The following JKAMP variants were observed in gnomAD, a reference collection of about 807,000 sequenced individuals.
JKAMP encodes the protein JNK1/MAPK8 associated membrane protein.
In JKAMP, 20 loss-of-function variants were observed where a neutral mutation model predicts 40.2. The observed-to-expected ratio is 0.50, with a 90% CI of 0.35 to 0.72. The LOEUF is 0.72. JKAMP is among the 30% of genes least tolerant of loss of function. The probability of loss-of-function intolerance (pLI) is 0.01; values close to 1 mark genes in which losing one functional copy is unlikely to be tolerated. For synonymous variants in JKAMP, 138 were observed against 131.6 expected, an observed-to-expected ratio of 1.05 and a Z score of -0.33; for missense variants, 276 against 373.0, an observed-to-expected ratio of 0.74 and a Z score of 2.14.
At chr14:59,498,351 A>C (rs1891603791) in intron 4 of JKAMP, among the ~76,000 whole-genome samples, 1 of 152,212 alleles carries the variant, frequency 6.6e-6, no homozygotes, top group Non-Finnish European at 1.5e-5. Context: ...CCAGTTTCTT[A>C]CATTTGAATA....
intron 4 of JKAMP, among the ~76,000 whole-genome samples, chr14:59,497,054 C>T (rs769158841): frequency 1.4e-5 from 2 of 146,178 alleles, no homozygotes; most frequent in Non-Finnish European, 3.0e-5. Flanking sequence ...TTACCAGAAA[C>T]CTTTGGAACA....
chr14:59,486,688 T>C (rs774269687), intron 1 of JKAMP, 25 bp from the exon 2 acceptor site: 3 of 1,454,334 alleles, frequency 2.1e-6, no homozygotes, highest in South Asian at 1.2e-5. Flanking sequence ...AAGATGTTAC[T>C]ATACTGGCAT....
At chr14:59,502,436 C>T (rs1371265863) in intron 6 of JKAMP, among the ~76,000 whole-genome samples, 1 of 152,134 alleles carries the variant, frequency 6.6e-6, no homozygotes, top group Non-Finnish European at 1.5e-5. Context: ...AAGTTGTAAA[C>T]TATTTTGGAG....
chr14:59,505,336 T>C lies in JKAMP; in HGVS notation c.*1264T>C. On this transcript the variant is annotated 3_prime_UTR_variant, in exon 7 of 7. Coordinates refer to ENST00000616435, the MANE Select transcript of JKAMP (RefSeq NM_016475.5). ...CTTCTCTGTAGGAATAAAAAATAAA[T>C]ATAAAAATTTTATTTGTATTGCACA... The C allele has an allele frequency of 1.5e-6, 2 of 1,351,588 alleles. No homozygotes were observed. Among genetic ancestry groups the C allele is most frequent in the Middle Eastern group, 5.0e-4 (2 of 4,028 alleles). The allele number at this position is 1,351,588 out of a possible 1,614,324, so 83.7% of individuals were successfully genotyped here.
At position 59,504,160 on chromosome 14, in the gene JKAMP, CAT is replaced by C. The variant is rs1007727932; in HGVS notation, c.*93_*94del. 4.0e-6 allele frequency: 3 copies of C among 741,098 alleles called. No individual in the cohort carries two copies. The African/African-American group carries it at 5.3e-5, about 13-fold the overall frequency. The allele number at this position is 741,098 out of a possible 1,614,324, so 45.9% of individuals were successfully genotyped here. A position where few individuals can be genotyped will look rare whatever the true frequency, so the allele number is the denominator to read the frequency against. On this transcript the variant is annotated 3_prime_UTR_variant, in exon 7 of 7. Transcript: ENST00000616435. ...TAACAGTGTATGAGAACTATTCTAT[CAT>C]ATATGGGAACAAGATTGTCAGTATA... is the stretch of plus-strand genomic sequence containing the variant.
In JKAMP at chr14:59,495,154, A is replaced by G. The variant is rs754982071; in HGVS notation, c.388A>G (p.Thr130Ala). Residue 130 changes from threonine to alanine, a missense_variant, in exon 4 of 7, where the codon ACG becomes GCG. Transcript: ENST00000616435. ...CRVLMLSDWYTMLYNPSPDYV... is the reference protein window; with the variant it reads ...CRVLMLSDWYAMLYNPSPDYV... ...AGTATTGATGCTTTCTGACTGGTAC[A>G]CGATGCTTTACAACCCAAGTCCAGA... is the stretch of plus-strand genomic sequence containing the variant. The G allele has an allele frequency of 6.2e-7, 1 of 1,613,840 alleles. No individual in the cohort carries two copies. Among genetic ancestry groups the G allele is most frequent in the South Asian group, 1.1e-5 (1 of 91,084 alleles).
At chr14:59,487,915 T>G (rs1890702675) in intron 3 of JKAMP, 87 bp downstream of exon 3, 1 of 1,243,412 alleles carries the variant, frequency 8.0e-7, no homozygotes, top group Non-Finnish European at 1.2e-6. Context: ...TTATGCTTCT[T>G]CTGTTTTAAA....
rs776338892 is a variant in JKAMP at position 59,487,670 on chromosome 14, A to G, written c.97-4A>G. On this transcript the variant is annotated splice_region_variant and splice_polypyrimidine_tract_variant and intron_variant, in intron 2 of 6. Coordinates refer to ENST00000616435, the MANE Select transcript of JKAMP (RefSeq NM_016475.5). ...ACACAAAATATTGGTTTTATATATT[A>G]TAGGTATGCCCAAGAGGACAGAGAA... 6 of 1,609,392 alleles carry G rather than the reference A, an allele frequency of 3.7e-6. No homozygotes were observed. The highest frequency in any genetic ancestry group is 5.1e-6 in the Non-Finnish European group (6 of 1,175,896).
chr14:59,490,759 T>G (rs1890931615), intron 3 of JKAMP, among the ~76,000 whole-genome samples: 1 of 152,190 alleles, frequency 6.6e-6, no homozygotes, highest in Non-Finnish European at 1.5e-5. Flanking sequence ...AATAGAATGA[T>G]GAGAGATGGG....
chr14:59,500,122 A>G (rs1891759616), intron 5 of JKAMP, among the ~76,000 whole-genome samples: 1 of 152,180 alleles, frequency 6.6e-6, no homozygotes, highest in Admixed American at 6.6e-5. Context: ...TTGTTTAGCT[A>G]CTTATAAGTT....
At position 59,487,896 on chromosome 14, in the gene JKAMP, A is replaced by G. The variant is rs990872465; in HGVS notation, c.251+68A>G. On this transcript the variant is annotated intron_variant, in intron 3 of 6. Transcript: ENST00000616435. ...GAATAATTATCACTCAGAAGACCTT[A>G]TTAAGTAATTATGCTTCTTCTGTTT... The G allele has an allele frequency of 1.0e-5, 14 of 1,352,406 alleles. No individual in the cohort carries two copies. The African/African-American group carries it at 1.9e-4, about 18-fold the overall frequency. The allele number at this position is 1,352,406 out of a possible 1,614,324, so 83.8% of individuals were successfully genotyped here. A position where few individuals can be genotyped will look rare whatever the true frequency, so the allele number is the denominator to read the frequency against.
chr14:59,490,447 G>A (rs1890905778), intron 3 of JKAMP, among the ~76,000 whole-genome samples: 1 of 152,186 alleles, frequency 6.6e-6, no homozygotes, highest in Non-Finnish European at 1.5e-5. Flanking sequence ...ATTGGTGAAG[G>A]TCTGGTGTAT....
At chr14:59,491,476 T>C (rs1160791479) in intron 3 of JKAMP, among the ~76,000 whole-genome samples, 1 of 152,176 alleles carries the variant, frequency 6.6e-6, no homozygotes, top group Admixed American at 6.5e-5. Flanking sequence ...AATAATGAAG[T>C]TGGGATTTTG....
chr14:59,501,803 C>T (rs1891903816), intron 6 of JKAMP, among the ~76,000 whole-genome samples: 1 of 152,048 alleles, frequency 6.6e-6, no homozygotes, highest in African/African-American at 2.4e-5. Flanking sequence ...GTTACTTTTT[C>T]ACAGTATTCA....
At chr14:59,491,451 A>G (rs1416878877) in intron 3 of JKAMP, among the ~76,000 whole-genome samples, 2 of 152,282 alleles carry the variant, frequency 1.3e-5, no homozygotes, top group Non-Finnish European at 2.9e-5. Flanking sequence ...GAAGGTTATC[A>G]AAGTAATGGC....
chr14:59,491,548 T>C (rs1891005753), intron 3 of JKAMP, among the ~76,000 whole-genome samples: 1 of 152,174 alleles, frequency 6.6e-6, no homozygotes, highest in African/African-American at 2.4e-5. Context: ...TGAATGTGTG[T>C]TTATGTTTTC....
intron 3 of JKAMP, among the ~76,000 whole-genome samples, chr14:59,494,550 A>G (rs1294658472): frequency 6.6e-6 from 1 of 152,220 alleles, no homozygotes; most frequent in African/African-American, 2.4e-5. Flanking sequence ...TTTCTGGAAA[A>G]AAGTGGTAAA....
In JKAMP at chr14:59,504,490, T is replaced by TTTTGTTTTCACCTATAATGAAC. The variant is rs531741633; in HGVS notation, c.*419_*420insTTGTTTTCACCTATAATGAACT. The stretch of plus-strand genomic sequence containing the variant: ...CAGTTTGTTTTTCACCTATAATGAA[T>TTTTGTTTTCACCTATAATGAAC]TGTAAAAACAAACATACTTGTGGGG... On this transcript the variant is annotated 3_prime_UTR_variant, in exon 7 of 7. Transcript: ENST00000616435. The TTTTGTTTTCACCTATAATGAAC allele has an allele frequency of 0.011, 1,784 of 159,506 alleles. 26 individuals are homozygous for TTTTGTTTTCACCTATAATGAAC. The highest frequency in any genetic ancestry group is 0.041 in the African/African-American group (1,718 of 41,778). 9.9% of individuals were successfully genotyped at this position (159,506 alleles called of 1,614,324 possible). A position where few individuals can be genotyped will look rare whatever the true frequency, so the allele number is the denominator to read the frequency against.
At position 59,504,347 on chromosome 14, in the gene JKAMP, A is replaced by G; in HGVS notation, c.*275A>G. 1 of 385,518 alleles carries G rather than the reference A, an allele frequency of 2.6e-6. No individual in the cohort carries two copies. The highest frequency in any genetic ancestry group is 4.6e-6 in the Non-Finnish European group (1 of 215,484). 23.9% of individuals were successfully genotyped at this position (385,518 alleles called of 1,614,324 possible). Reference sequence around the variant, plus strand: ...TCTCTCAACAGTTCAGCTGTTCTTTAGGGCAAAATCATGTTTCTGTGTACC... The same window carrying G: ...TCTCTCAACAGTTCAGCTGTTCTTTGGGGCAAAATCATGTTTCTGTGTACC... On this transcript the variant is annotated 3_prime_UTR_variant, in exon 7 of 7. Transcript: ENST00000616435.
Sources: allele counts gnomAD v4.1 joint callset (sites outside exome capture counted in the v4.1 genomes callset), GRCh38; gene constraint gnomAD v4.1.1; transcripts MANE v1.5; gene names NCBI Gene and HGNC (gene_info 2026-07-23, HGNC 2026-07-21).